The following ZCCHC24 variants were observed in gnomAD, a reference collection of about 807,000 sequenced individuals.
ZCCHC24 encodes zinc finger CCHC-type containing 24.
ZCCHC24 carries 10 observed loss-of-function variants against 26.2 expected under a neutral mutation model. That is an observed-to-expected ratio of 0.38 (90% CI 0.24 to 0.65). ZCCHC24 has a LOEUF of 0.65. ZCCHC24 is among the 30% of genes least tolerant of loss of function. The pLI is 0.54. For missense variants in ZCCHC24, 243 were observed against 329.1 expected, an observed-to-expected ratio of 0.74 and a Z score of 2.03; for synonymous variants, 144 against 147.1, an observed-to-expected ratio of 0.98 and a Z score of 0.15.
intron 2 of ZCCHC24, among the ~76,000 whole-genome samples, chr10:79,410,586 A>G (rs1253046483): frequency 6.6e-6 from 1 of 152,210 alleles, no homozygotes; most frequent in African/African-American, 2.4e-5. Flanking sequence ...GGAGGGCTTG[A>G]GGCTTGGAGG....
chr10:79,406,784 G>A (rs556656408), intron 2 of ZCCHC24, among the ~76,000 whole-genome samples: 168 of 152,346 alleles, frequency 1.1e-3, no homozygotes, highest in Non-Finnish European at 2.1e-3. Context: ...CTGACTGACT[G>A]CTGCAACGCC....
intron 2 of ZCCHC24, among the ~76,000 whole-genome samples, chr10:79,417,642 T>C (rs1038849069): frequency 6.6e-5 from 10 of 151,794 alleles, no homozygotes; most frequent in Non-Finnish European, 1.5e-4. Context: ...GAGACAGAGA[T>C]GAAGAAAGAG....
At chr10:79,386,707 C>A (rs1206612993) in intron 3 of ZCCHC24, among the ~76,000 whole-genome samples, 2 of 152,168 alleles carry the variant, frequency 1.3e-5, no homozygotes, top group Non-Finnish European at 2.9e-5. Flanking sequence ...TGCCGGGGCC[C>A]TCCTCCTGAG....
intron 2 of ZCCHC24, among the ~76,000 whole-genome samples, chr10:79,410,572 G>A (rs962315134): frequency 6.6e-6 from 1 of 152,242 alleles, no homozygotes; most frequent in African/African-American, 2.4e-5. Flanking sequence ...ACCACGGGAA[G>A]CATGGAGGGC....
At chr10:79,419,266 G>A (rs1482483526) in intron 2 of ZCCHC24, among the ~76,000 whole-genome samples, 2 of 152,228 alleles carry the variant, frequency 1.3e-5, no homozygotes, top group Non-Finnish European at 2.9e-5. Flanking sequence ...AGTGAGGGCT[G>A]CCACTTACTT....
chr10:79,392,420 G>T (rs1856491074), intron 3 of ZCCHC24, among the ~76,000 whole-genome samples: 1 of 152,174 alleles, frequency 6.6e-6, no homozygotes, highest in South Asian at 2.1e-4. Flanking sequence ...AGCCTTGGAT[G>T]TGAGGTTCTT....
intron 2 of ZCCHC24, among the ~76,000 whole-genome samples, chr10:79,423,077 CT>C (rs1856969543): frequency 6.6e-6 from 1 of 152,216 alleles, no homozygotes. Context: ...GACCCTCCCC[CT>C]GCCTGAGCTT....
At chr10:79,398,914 G>A (rs1423393366) in intron 2 of ZCCHC24, among the ~76,000 whole-genome samples, 2 of 152,186 alleles carry the variant, frequency 1.3e-5, no homozygotes, top group Non-Finnish European at 2.9e-5. Context: ...AGTGCTTCCA[G>A]TGCGTGAAGG....
chr10:79,386,151 T>C lies in ZCCHC24; in HGVS notation c.*194A>G, dbSNP rs775419124. 25 of 609,792 alleles carry C rather than the reference T, an allele frequency of 4.1e-5. No homozygotes were observed. Among genetic ancestry groups the C allele is most frequent in the Non-Finnish European group, 7.3e-5 (24 of 330,524 alleles). The allele number at this position is 609,792 out of a possible 1,614,324, so 37.8% of individuals were successfully genotyped here. ...CAGACTCCCTGCTTTCCCTGGCCTG[T>C]GGGGGGCAGCAATGTCAGTAACACT... On this transcript the variant is annotated 3_prime_UTR_variant, in exon 4 of 4. Transcript: ENST00000372336.
At chr10:79,428,756 G>C (rs553684277) in intron 2 of ZCCHC24, among the ~76,000 whole-genome samples, 3 of 152,046 alleles carry the variant, frequency 2.0e-5, no homozygotes, top group Non-Finnish European at 4.4e-5. Context: ...AGAAGAAAGA[G>C]AGGACTCAAA....
intron 1 of ZCCHC24, chr10:79,444,101 C>G: frequency 1.3e-6 from 2 of 1,544,922 alleles, no homozygotes. Context: ...CTAAAACTCA[C>G]CGGTGTGCCC....
rs532648071 is a variant in ZCCHC24, at chr10:79,440,088, C to T, written c.246+5107G>A. On this transcript the variant is annotated intron_variant, in intron 1 of 3. Transcript: ENST00000372336. ...GCCAGAGGAGGGCTGAATAAAGAAT[C>T]ACATGCCACCACCACCACCACGACA... is the stretch of plus-strand genomic sequence containing the variant. Among the ~76,000 whole-genome samples the T allele has an allele frequency of 6.8e-4, 102 of 150,990 alleles. 3 individuals are homozygous for T. The South Asian group carries it at 0.018, about 27-fold the overall frequency.
intron 2 of ZCCHC24, among the ~76,000 whole-genome samples, chr10:79,415,590 C>T (rs1345245861): frequency 2.0e-5 from 3 of 152,146 alleles, no homozygotes; most frequent in Admixed American, 6.5e-5. Flanking sequence ...AGAAGAAACC[C>T]CTAGCCCTAC....
At chr10:79,407,931 C>G (rs1856741299) in intron 2 of ZCCHC24, among the ~76,000 whole-genome samples, 1 of 152,168 alleles carries the variant, frequency 6.6e-6, no homozygotes, top group South Asian at 2.1e-4. Flanking sequence ...TGGCCTGGCT[C>G]TCCTGGCCCA....
chr10:79,407,209 C>T (rs1589665768), intron 2 of ZCCHC24, among the ~76,000 whole-genome samples: 1 of 152,214 alleles, frequency 6.6e-6, no homozygotes, highest in East Asian at 1.9e-4. Context: ...TGGGGTGGAG[C>T]GCCAGCCAGG....
At chr10:79,444,382 C>T in intron 1 of ZCCHC24, 1 of 719,512 alleles carries the variant, frequency 1.4e-6, no homozygotes, top group Non-Finnish European at 1.7e-6. Flanking sequence ...GCTGCCCAGT[C>T]AACTTTGTAA....
chr10:79,408,756 C>CT (rs1008636963), intron 2 of ZCCHC24, among the ~76,000 whole-genome samples: 3 of 152,184 alleles, frequency 2.0e-5, no homozygotes, highest in African/African-American at 7.2e-5. Flanking sequence ...TTCCCAGTCT[C>CT]TGACGGTTCA....
At chr10:79,438,805 G>A (rs138090307) in intron 1 of ZCCHC24, among the ~76,000 whole-genome samples, 10 of 152,336 alleles carry the variant, frequency 6.6e-5, no homozygotes, top group Non-Finnish European at 1.3e-4. Context: ...GACCTGGGGA[G>A]ATCCCTTTCC....
At chr10:79,414,196 AC>A (rs1167637947) in intron 2 of ZCCHC24, among the ~76,000 whole-genome samples, 2 of 152,264 alleles carry the variant, frequency 1.3e-5, no homozygotes, top group African/African-American at 4.8e-5. Context: ...AGATGGAATG[AC>A]AGGTCACAGA....
Sources: gnomAD v4.1 joint callset for allele counts (sites outside exome capture counted in the v4.1 genomes callset) on GRCh38, gnomAD v4.1.1 for gene constraint, MANE v1.5 for transcripts, NCBI Gene and HGNC (gene_info 2026-07-23, HGNC 2026-07-21) for gene names.